The following ULK4 variants were observed in gnomAD, a reference collection of about 807,000 sequenced individuals.
The protein encoded by ULK4 is unc-51 like kinase 4, also known as inactive serine/threonine-protein kinase ULK4.
Under a neutral mutation model 160.6 loss-of-function variants are expected in ULK4, and 133 were observed. The observed-to-expected ratio is 0.83, with a 90% CI of 0.72 to 0.96. The LOEUF (loss-of-function observed/expected upper bound fraction) is 0.96, where lower values mean the gene tolerates loss of function less well. Ranked by LOEUF, ULK4 falls within the 40% of genes least tolerant of loss-of-function variation. ULK4 has a pLI of 0.00. For synonymous variants in ULK4, 534 were observed against 539.8 expected (o/e 0.99, Z 0.15); for missense variants, 1,580 against 1,499.5 (o/e 1.05, Z -0.89).
chr3:41,472,819 G>A (rs1017697173), intron 32 of ULK4, among the ~76,000 whole-genome samples: 9 of 151,972 alleles, frequency 5.9e-5, no homozygotes, highest in Admixed American at 2.6e-4. Flanking sequence ...GATATCACAA[G>A]AATAAAAAAC....
chr3:41,786,660 T>C (rs373360442), intron 21 of ULK4, among the ~76,000 whole-genome samples: 1 of 152,086 alleles, frequency 6.6e-6, no homozygotes, highest in East Asian at 1.9e-4. Context: ...TGTTAATCTT[T>C]TTATTAAAAT....
At chr3:41,636,871 C>T (rs545454296) in intron 30 of ULK4, among the ~76,000 whole-genome samples, 18 of 148,804 alleles carry the variant, frequency 1.2e-4, no homozygotes, top group Non-Finnish European at 1.9e-4. Context: ...GGATATATTT[C>T]GAACAGTGGA....
chr3:41,788,659 C>T (rs2040064333), intron 21 of ULK4, among the ~76,000 whole-genome samples: 1 of 151,400 alleles, frequency 6.6e-6, no homozygotes, highest in African/African-American at 2.4e-5. Context: ...CACTGCACTC[C>T]AGCCTGGGCG....
chr3:41,444,357 T>G (rs1415332646), intron 34 of ULK4, among the ~76,000 whole-genome samples: 1 of 131,046 alleles, frequency 7.6e-6, no homozygotes, highest in Non-Finnish European at 1.6e-5. Flanking sequence ...ATGATTTAAG[T>G]GACTTCTCTC....
chr3:41,771,877 T>C (rs1443181704), intron 21 of ULK4, among the ~76,000 whole-genome samples: 1 of 152,224 alleles, frequency 6.6e-6, no homozygotes, highest in Non-Finnish European at 1.5e-5. Context: ...CTTTATCAAA[T>C]CTTAGTATTT....
At chr3:41,590,832 T>A (rs1001848933) in intron 31 of ULK4, among the ~76,000 whole-genome samples, 1 of 150,786 alleles carries the variant, frequency 6.6e-6, no homozygotes, top group African/African-American at 2.4e-5. Context: ...CAGTGTCTTA[T>A]GGGATCATAT....
In ULK4 at chr3:41,440,780, C is replaced by T. The variant is rs887327542; in HGVS notation, c.3492+14717G>A. On this transcript the variant is annotated intron_variant, in intron 34 of 36. Coordinates refer to ENST00000301831, the MANE Select transcript of ULK4 (RefSeq NM_017886.4). ...CACTGAAGCTATCTGGCACTGGAGG[C>T]TTCCTTATGGAAACATTTTAAACTA... is the stretch of plus-strand genomic sequence containing the variant. Among the ~76,000 whole-genome samples the T allele has an allele frequency of 3.3e-5, 5 of 152,170 alleles. No individual in the cohort carries two copies. The East Asian group carries it at 7.7e-4, about 24-fold the overall frequency.
At chr3:41,550,406 T>G (rs983339243) in intron 32 of ULK4, among the ~76,000 whole-genome samples, 1 of 141,604 alleles carries the variant, frequency 7.1e-6, no homozygotes, top group Non-Finnish European at 1.5e-5. Flanking sequence ...ATATTTCACC[T>G]CTAAACATAC....
intron 35 of ULK4, among the ~76,000 whole-genome samples, chr3:41,387,096 T>C (rs957512291): frequency 6.6e-6 from 1 of 151,944 alleles, no homozygotes; most frequent in African/African-American, 2.4e-5. Flanking sequence ...TGATAGACTT[T>C]AAAAAAAATT....
chr3:41,824,207 G>C (rs2041255590), intron 18 of ULK4, among the ~76,000 whole-genome samples: 2 of 148,616 alleles, frequency 1.3e-5, no homozygotes, highest in South Asian at 2.1e-4. Context: ...AGCCAAATAG[G>C]AACAGCTCCA....
chr3:41,842,971 T>C (rs761542973), intron 17 of ULK4, among the ~76,000 whole-genome samples: 6 of 152,148 alleles, frequency 3.9e-5, no homozygotes, highest in Non-Finnish European at 5.9e-5. Flanking sequence ...CAGGCATCCA[T>C]AGGAAAGCAA....
chr3:41,404,205 AT>A (rs1463804181), intron 34 of ULK4, among the ~76,000 whole-genome samples: 1 of 129,514 alleles, frequency 7.7e-6, no homozygotes, highest in Non-Finnish European at 1.7e-5. Context: ...TGATTTGTCT[AT>A]TTATCTTTTT....
intron 34 of ULK4, among the ~76,000 whole-genome samples, chr3:41,443,718 T>C (rs2083225186): frequency 6.6e-6 from 1 of 151,628 alleles, no homozygotes; most frequent in South Asian, 2.1e-4. Context: ...GTGATACATA[T>C]TATAAAATGA....
chr3:41,858,101 CCT>C lies in ULK4; in HGVS notation c.1657-22132_1657-22131del, dbSNP rs2042405362. ...GTAGGCACTTATAGCTATAAAATTA[CCT>C]CTGAGTACTGCTTTTACTGTATCCC... On this transcript the variant is annotated intron_variant, in intron 17 of 36. Transcript: ENST00000301831. 2.0e-5 allele frequency among the ~76,000 whole-genome samples: 3 copies of C among 149,930 alleles called. No individual in the cohort carries two copies. In the South Asian group the frequency reaches 6.3e-4, roughly 31 times the overall value.
chr3:41,867,481 C>A (rs1696938561), intron 17 of ULK4, among the ~76,000 whole-genome samples: 1 of 152,204 alleles, frequency 6.6e-6, no homozygotes, highest in Non-Finnish European at 1.5e-5. Flanking sequence ...AAGCGATTCT[C>A]ATGCCTCAGC....
chr3:41,403,234 G>A (rs1206996919), intron 34 of ULK4, among the ~76,000 whole-genome samples: 1 of 151,702 alleles, frequency 6.6e-6, no homozygotes, highest in Non-Finnish European at 1.5e-5. Flanking sequence ...GAAATTATCT[G>A]GGCCCAGAGT....
intron 31 of ULK4, among the ~76,000 whole-genome samples, chr3:41,589,681 T>C (rs1248394041): frequency 6.6e-6 from 1 of 152,064 alleles, no homozygotes; most frequent in African/African-American, 2.4e-5. Context: ...AGCAAACCCC[T>C]AAAAAGTTAA....
intron 5 of ULK4, among the ~76,000 whole-genome samples, chr3:41,923,241 G>A (rs1357300149): frequency 3.3e-5 from 5 of 151,910 alleles, no homozygotes; most frequent in African/African-American, 4.8e-5. Flanking sequence ...GCTCATGTCT[G>A]TAATCCCAAC....
At chr3:41,597,274 G>T (rs1237287679) in intron 31 of ULK4, among the ~76,000 whole-genome samples, 1 of 152,130 alleles carries the variant, frequency 6.6e-6, no homozygotes, top group African/African-American at 2.4e-5. Flanking sequence ...CCCTACCAAA[G>T]GATTCTCCAG....
Sources: gnomAD v4.1 joint callset for allele counts (sites outside exome capture counted in the v4.1 genomes callset) on GRCh38, gnomAD v4.1.1 for gene constraint, MANE v1.5 for transcripts, NCBI Gene and HGNC (gene_info 2026-07-23, HGNC 2026-07-21) for gene names.